Variants in NFKBIE observed in about 807,000 individuals in gnomAD.
The protein encoded by NFKBIE is NF-kappa-B inhibitor epsilon.
NFKBIE carries 11 observed loss-of-function variants against 31.6 expected under a neutral mutation model. That is an observed-to-expected ratio of 0.35 (90% CI 0.22 to 0.58). The LOEUF is 0.58. Ranked by LOEUF, NFKBIE falls within the 20% of genes least tolerant of loss-of-function variation. The pLI, the probability that NFKBIE is intolerant of heterozygous loss-of-function variation, is 0.83. For synonymous variants in NFKBIE, 208 were observed against 210.1 expected, an observed-to-expected ratio of 0.99 and a Z score of 0.09; for missense variants, 354 against 465.7, an observed-to-expected ratio of 0.76 and a Z score of 2.21.
rs183339887 is a variant in NFKBIE, at chr6:44,260,815, A to G, written c.692-276T>C. Among the ~76,000 whole-genome samples, 16 of 148,896 alleles carry G rather than the reference A, an allele frequency of 1.1e-4. No individual in the cohort carries two copies. The highest frequency in any genetic ancestry group is 4.0e-4 in the African/African-American group (16 of 40,268). On this transcript the variant is annotated intron_variant, in intron 3 of 5. Transcript: ENST00000619360. This position sits in a 1 kb window ranked among gnomAD's most constrained non-coding sequence, Gnocchi z 5.5. ...CCCCCAAAGAACACCCTCCTCCTAT[A>G]CACAAACTACAACACACACACACAC...
chr6:44,265,390 G>T lies in NFKBIE; in HGVS notation c.-44C>A. On this transcript the variant is annotated 5_prime_UTR_variant, in exon 1 of 6. Transcript: ENST00000619360. ...CCGGGGCCCGGTCTGAGCAGGATCC[G>T]GCTCCAGGCTCCGCCGCGCCGCCTT... 1 of 1,554,840 alleles carries T rather than the reference G, an allele frequency of 6.4e-7. No individual in the cohort carries two copies. The highest frequency in any genetic ancestry group is 8.6e-7 in the Non-Finnish European group (1 of 1,157,890).
Position 44,260,860 on chromosome 6 carries a change from G to GACAC in NFKBIE, c.692-325_692-322dup, listed in dbSNP as rs71547856. ...ACACACACACACACACACACATACA[G>GACAC]ACACACACACACACACACACACACA... is the stretch of plus-strand genomic sequence containing the variant. On this transcript the variant is annotated intron_variant, in intron 3 of 5. Coordinates refer to ENST00000619360, the MANE Select transcript of NFKBIE (RefSeq NM_004556.3). The surrounding 1 kb of genome is among the most constrained non-coding windows in gnomAD (Gnocchi z 5.5). 6.6e-5 allele frequency among the ~76,000 whole-genome samples: 9 copies of GACAC among 135,530 alleles called. No homozygotes were observed. Among genetic ancestry groups the GACAC allele is most frequent in the South Asian group, 2.4e-4 (1 of 4,178 alleles). 88.9% of individuals were successfully genotyped at this position (135,530 alleles called of 152,430 possible).
Position 44,258,461 on chromosome 6 carries a change from T to C in NFKBIE, c.*758A>G, listed in dbSNP as rs1781759682. On this transcript the variant is annotated 3_prime_UTR_variant, in exon 6 of 6. Transcript: ENST00000619360. ...GTGTGTCCTCTCATTCTTCCTCTTG[T>C]CCCTCCATCCCTCATCATTTCCACA... 1.3e-5 allele frequency: 2 copies of C among 152,302 alleles called. No homozygotes were observed. The highest frequency in any genetic ancestry group is 2.4e-5 in the African/African-American group (1 of 41,384). The allele number at this position is 152,302 out of a possible 1,614,324, so 9.4% of individuals were successfully genotyped here.
At chr6:44,264,539 A>AC (rs1440619949) in intron 1 of NFKBIE, among the ~76,000 whole-genome samples, 5 of 151,912 alleles carry the variant, frequency 3.3e-5, no homozygotes, top group South Asian at 2.1e-4. Context: ...CCCTGGTGGC[A>AC]CCCCCCATGC....
At chr6:44,264,914 C>T in intron 1 of NFKBIE, 68 bp downstream of exon 1, 1 of 1,511,784 alleles carries the variant, frequency 6.6e-7, no homozygotes, top group Non-Finnish European at 8.9e-7. Context: ...GTGGGGGTGC[C>T]CGACCTGTTG....
rs1781801633 is a variant in NFKBIE at position 44,259,228 on chromosome 6, A to G, written c.1077T>C (p.Cys359=). 1.2e-6 allele frequency: 2 copies of G among 1,613,608 alleles called. No homozygotes were observed. The highest frequency in any genetic ancestry group is 1.3e-5 in the African/African-American group (1 of 75,016). ...CAGACCCTGCCTGGCTTCAGTCGGT[A>G]CACAGCAGCAGTTTCCCTGAGATCT... The part of the protein sequence containing the change: ...DLKISGKLLL[C]TD Residue 359 remains cysteine, a synonymous_variant, in exon 6 of 6, where the codon TGT becomes TGC. Transcript: ENST00000619360.
At position 44,262,524 on chromosome 6, in the gene NFKBIE, A is replaced by G. The variant is rs1781958671; in HGVS notation, c.468+36T>C. 3 of 1,574,046 alleles carry G rather than the reference A, an allele frequency of 1.9e-6. No individual in the cohort carries two copies. In the South Asian group the frequency reaches 3.3e-5, roughly 17 times the overall value. On this transcript the variant is annotated intron_variant, in intron 2 of 5. Coordinates refer to ENST00000619360, the MANE Select transcript of NFKBIE (RefSeq NM_004556.3). ...GCTGGGAATGGCTGCCAGGGCACAA[A>G]CAGGTATCTGGGCATAACATTCTCT...
chr6:44,261,127 C>T lies in NFKBIE; in HGVS notation c.691+499G>A, dbSNP rs1009987335. ...TGTCACTGGCTCCATGAGGCCTTCCCGGACCACCCTATTTAACAATCATAT... is the reference window on the plus strand; with the variant it reads ...TGTCACTGGCTCCATGAGGCCTTCCTGGACCACCCTATTTAACAATCATAT... On this transcript the variant is annotated intron_variant, in intron 3 of 5. Coordinates refer to ENST00000619360, the MANE Select transcript of NFKBIE (RefSeq NM_004556.3). This position sits in a 1 kb window ranked among gnomAD's most constrained non-coding sequence, Gnocchi z 4.3. 1.3e-5 allele frequency among the ~76,000 whole-genome samples: 2 copies of T among 152,180 alleles called. No individual in the cohort carries two copies. The highest frequency in any genetic ancestry group is 4.8e-5 in the African/African-American group (2 of 41,442).
At position 44,265,135 on chromosome 6, in the gene NFKBIE, G is replaced by A. The variant is rs1583010466; in HGVS notation, c.212C>T (p.Ser71Phe). 6.4e-7 allele frequency: 1 copy of A among 1,552,444 alleles called. No homozygotes were observed. Among genetic ancestry groups the A allele is most frequent in the East Asian group, 2.4e-5 (1 of 41,096 alleles). ...GGTGAGCGAGGAGGAGCCATAGGTGGAATCAGCCCGCTCCCCATCCGCGTC... is the reference window on the plus strand; with the variant it reads ...GGTGAGCGAGGAGGAGCCATAGGTGAAATCAGCCCGCTCCCCATCCGCGTC... ...KEDADGERADSTYGSSSLTYT... is the reference protein window; with the variant it reads ...KEDADGERADFTYGSSSLTYT... The change falls in exon 1 of 6, where the codon TCC (serine) becomes TTC (phenylalanine). Residue 71 changes from serine to phenylalanine, a missense_variant. By Grantham distance (155) the Ser-to-Phe change is radical. This residue lies in a region of NFKBIE where 171 missense variants were observed against 155.1 expected (regional missense o/e 1.10). Transcript: ENST00000619360.
Position 44,261,426 on chromosome 6 carries a change from G to C in NFKBIE, c.691+200C>G, listed in dbSNP as rs1781916984. On this transcript the variant is annotated intron_variant, in intron 3 of 5. Transcript: ENST00000619360. The surrounding 1 kb of genome is among the most constrained non-coding windows in gnomAD (Gnocchi z 4.3). ...GCAAGATTTAGTTTTCTTCTCAGCA[G>C]GCAGTAGGTACTGGTTAAATTCGAA... Among the ~76,000 whole-genome samples the C allele has an allele frequency of 6.6e-6, 1 of 152,200 alleles. No homozygotes were observed. The highest frequency in any genetic ancestry group is 1.5e-5 in the Non-Finnish European group (1 of 68,032).
chr6:44,259,996 T>C (rs747109536), intron 5 of NFKBIE, 47 bp downstream of exon 5: 4 of 1,591,390 alleles, frequency 2.5e-6, no homozygotes, highest in Non-Finnish European at 2.6e-6. Context: ...AACCTCTCTC[T>C]GCTATGGGTG....
In NFKBIE at chr6:44,260,339, G is replaced by A; in HGVS notation, c.781-57C>T. On this transcript the variant is annotated intron_variant, in intron 4 of 5. Transcript: ENST00000619360. This position sits in a 1 kb window ranked among gnomAD's most constrained non-coding sequence, Gnocchi z 5.5. ...CTCAGAGGCAGTGTGCTGGGCCTGG[G>A]CTCTGGATAAGGAAGTGAATGCCAC... The A allele has an allele frequency of 6.2e-7, 1 of 1,608,814 alleles. No individual in the cohort carries two copies. The highest frequency in any genetic ancestry group is 1.1e-5 in the South Asian group (1 of 90,964).
chr6:44,260,583 C>T lies in NFKBIE; in HGVS notation c.692-44G>A. The T allele has an allele frequency of 6.3e-7, 1 of 1,577,054 alleles. No individual in the cohort carries two copies. Among genetic ancestry groups the T allele is most frequent in the Non-Finnish European group, 8.7e-7 (1 of 1,146,652 alleles). On this transcript the variant is annotated intron_variant, in intron 3 of 5. Transcript: ENST00000619360. The surrounding 1 kb of genome is among the most constrained non-coding windows in gnomAD (Gnocchi z 5.5). ...GAGGGTGAGGGCTGCTGATCTGCATCCACCAACTCCCTCTCTTCTGGGACC... is the reference window on the plus strand; with the variant it reads ...GAGGGTGAGGGCTGCTGATCTGCATTCACCAACTCCCTCTCTTCTGGGACC...
In NFKBIE at chr6:44,260,387, G is replaced by A. The variant is rs1781852712; in HGVS notation, c.780+64C>T. On this transcript the variant is annotated intron_variant, in intron 4 of 5. Transcript: ENST00000619360. The surrounding 1 kb of genome is among the most constrained non-coding windows in gnomAD (Gnocchi z 5.5). ...CACCACTTCTGACTGCTGGGCAGGG[G>A]ACTTGGGGATGTGTCAGGTGGGGGC... 17 of 1,613,440 alleles carry A rather than the reference G, an allele frequency of 1.1e-5. No homozygotes were observed. In the South Asian group the frequency reaches 1.9e-4, roughly 18 times the overall value.
In NFKBIE at chr6:44,263,452, G is replaced by A. The variant is rs1012094614; in HGVS notation, c.366-790C>T. Among the ~76,000 whole-genome samples the A allele has an allele frequency of 2.0e-5, 3 of 151,970 alleles. No individual in the cohort carries two copies. Among genetic ancestry groups the A allele is most frequent in the African/African-American group, 7.3e-5 (3 of 41,354 alleles). On this transcript the variant is annotated intron_variant, in intron 1 of 5. Transcript: ENST00000619360. This position sits in a 1 kb window ranked among gnomAD's most constrained non-coding sequence, Gnocchi z 5.0. Reference sequence around the variant, plus strand: ...TCTAGGCCGGGACAGCTGCCTTGGGGCATTAGTGAGGGGGGTAGATTGGCT... The same window carrying A: ...TCTAGGCCGGGACAGCTGCCTTGGGACATTAGTGAGGGGGGTAGATTGGCT...
chr6:44,261,583 T>C lies in NFKBIE; in HGVS notation c.691+43A>G. Reference sequence around the variant, plus strand: ...GAGGTCCCTATCTCCTATGCCCTCCTCATCCCACAGGCCCTAAGGGCAGTC... The same window carrying C: ...GAGGTCCCTATCTCCTATGCCCTCCCCATCCCACAGGCCCTAAGGGCAGTC... On this transcript the variant is annotated intron_variant, in intron 3 of 5. Coordinates refer to ENST00000619360, the MANE Select transcript of NFKBIE (RefSeq NM_004556.3). This position sits in a 1 kb window ranked among gnomAD's most constrained non-coding sequence, Gnocchi z 4.3. The C allele has an allele frequency of 6.3e-7, 1 of 1,596,100 alleles. No homozygotes were observed. The highest frequency in any genetic ancestry group is 1.1e-5 in the South Asian group (1 of 89,816).
rs1781995644 is a variant in NFKBIE at position 44,263,416 on chromosome 6, G to C, written c.366-754C>G. Among the ~76,000 whole-genome samples the C allele has an allele frequency of 2.6e-5, 4 of 152,228 alleles. No homozygotes were observed. Among genetic ancestry groups the C allele is most frequent in the African/African-American group, 9.6e-5 (4 of 41,522 alleles). On this transcript the variant is annotated intron_variant, in intron 1 of 5. Transcript: ENST00000619360. This position sits in a 1 kb window ranked among gnomAD's most constrained non-coding sequence, Gnocchi z 5.0. ...CGTCAGGTGGGGAAAACGAAAGCCAGTGATGGAGGGTCTAGGCCGGGACAG... is the reference window on the plus strand; with the variant it reads ...CGTCAGGTGGGGAAAACGAAAGCCACTGATGGAGGGTCTAGGCCGGGACAG...
At chr6:44,262,469 T>A (rs1352478020) in intron 2 of NFKBIE, 91 bp downstream of exon 2, 1 of 1,114,864 alleles carries the variant, frequency 9.0e-7, no homozygotes, top group Non-Finnish European at 1.3e-6. Flanking sequence ...TATGGTTTCC[T>A]AAGTGAGCAG....
chr6:44,259,720 C>T (rs751671363), intron 5 of NFKBIE, among the ~76,000 whole-genome samples: 2 of 152,236 alleles, frequency 1.3e-5, no homozygotes, highest in Admixed American at 6.5e-5. Flanking sequence ...ACTGGGCCTA[C>T]ACTCCTGCTT....
Sources: allele counts gnomAD v4.1 joint callset (sites outside exome capture counted in the v4.1 genomes callset), GRCh38; gene constraint gnomAD v4.1.1; regional missense constraint gnomAD v4.1.1; non-coding constraint Gnocchi (gnomAD v3.1); transcripts MANE v1.5; gene names NCBI Gene and HGNC (gene_info 2026-07-23, HGNC 2026-07-21).